NRXN1: variants seen among roughly 807,000 people sequenced by gnomAD.
The protein encoded by NRXN1 is neurexin 1.
NRXN1 carries 39 observed loss-of-function variants against 150.9 expected under a neutral mutation model. The observed-to-expected ratio is 0.26, with a 90% CI of 0.20 to 0.34. The LOEUF is 0.34. Ranked by LOEUF, NRXN1 falls within the 10% of genes least tolerant of loss-of-function variation. The probability of loss-of-function intolerance (pLI) is 1.00; values close to 1 mark genes in which losing one functional copy is unlikely to be tolerated. For missense variants in NRXN1, 1,815 were observed against 1,949.9 expected (o/e 0.93, Z 1.30); for synonymous variants, 924 against 757.0 (o/e 1.22, Z -3.62).
intron 5 of NRXN1, chr2:50,919,325 G>A (rs954838050): frequency 2.6e-5 from 4 of 151,738 alleles, no homozygotes; most frequent in African/African-American, 9.7e-5. Flanking sequence ...AAGGACTTGA[G>A]AGGAGGATGA....
At position 50,603,170 on chromosome 2, in the gene NRXN1, A is replaced by T. The variant is rs189531083; in HGVS notation, c.1320+16852T>A. On this transcript the variant is annotated intron_variant, in intron 8 of 22. Transcript: ENST00000401669. Reference sequence around the variant, plus strand: ...TTTGCTAGAATACAGAGAGGCATGGAGCAGTGGAAGCATATCCAGTATTTT... The same window carrying T: ...TTTGCTAGAATACAGAGAGGCATGGTGCAGTGGAAGCATATCCAGTATTTT... Among the ~76,000 whole-genome samples, 130 of 152,324 alleles carry T rather than the reference A, an allele frequency of 8.5e-4. 1 individual carries two copies. The highest frequency in any genetic ancestry group is 3.0e-3 in the African/African-American group (125 of 41,576).
intron 5 of NRXN1, among the ~76,000 whole-genome samples, chr2:50,712,135 T>A (rs548625416): frequency 6.6e-6 from 1 of 152,130 alleles, no homozygotes; most frequent in South Asian, 2.1e-4. Context: ...GTTAAATCAT[T>A]TAATCTTCAC....
chr2:50,075,974 A>G (rs75200228), intron 19 of NRXN1, among the ~76,000 whole-genome samples: 3,119 of 152,266 alleles, frequency 0.02, 89 homozygotes, highest in African/African-American at 0.072. Flanking sequence ...TGGTTTCTCT[A>G]ATGTTCATTT....
At chr2:50,437,504 T>C (rs1015881434) in intron 17 of NRXN1, among the ~76,000 whole-genome samples, 5 of 152,246 alleles carry the variant, frequency 3.3e-5, no homozygotes, top group Non-Finnish European at 7.3e-5. Flanking sequence ...TCTGTGAAAA[T>C]AATTTCAGTG....
chr2:50,032,189 G>T (rs1201821652), intron 21 of NRXN1, among the ~76,000 whole-genome samples: 1 of 152,026 alleles, frequency 6.6e-6, no homozygotes, highest in Non-Finnish European at 1.5e-5. Flanking sequence ...AAAGTCTGGT[G>T]ACATGTACAA....
chr2:50,903,416 T>C (rs2103981094), intron 5 of NRXN1, among the ~76,000 whole-genome samples: 1 of 152,324 alleles, frequency 6.6e-6, no homozygotes, highest in South Asian at 2.1e-4. Context: ...ACTGTTTCTA[T>C]TATGTTGATG....
chr2:50,479,344 T>G (rs1439656196), intron 15 of NRXN1, among the ~76,000 whole-genome samples: 1 of 152,106 alleles, frequency 6.6e-6, no homozygotes, highest in Admixed American at 6.5e-5. Context: ...AAAATCCTAC[T>G]CAACTTGGGG....
intron 17 of NRXN1, among the ~76,000 whole-genome samples, chr2:50,284,090 T>G (rs545356148): frequency 6.6e-6 from 1 of 152,306 alleles, no homozygotes; most frequent in Non-Finnish European, 1.5e-5. Flanking sequence ...TTCTGAGTCT[T>G]CAATGCACAT....
chr2:50,598,407 A>T (rs1328363769), intron 8 of NRXN1, among the ~76,000 whole-genome samples: 3 of 151,718 alleles, frequency 2.0e-5, no homozygotes, highest in Non-Finnish European at 4.4e-5. Flanking sequence ...AAAATTAAAA[A>T]AATAAAAAAT....
Position 50,628,371 on chromosome 2 carries a change from T to C in NRXN1, c.833-4756A>G, listed in dbSNP as rs150334760. 1.3e-3 allele frequency among the ~76,000 whole-genome samples: 190 copies of C among 151,866 alleles called. 2 individuals carry two copies. Among genetic ancestry groups the C allele is most frequent in the African/African-American group, 4.3e-3 (180 of 41,524 alleles). Reference sequence around the variant, plus strand: ...CAAATTTACATTAAAGGCAACCACATAGTTTTGGAAAAAATTCAGTCTGTG... The same window carrying C: ...CAAATTTACATTAAAGGCAACCACACAGTTTTGGAAAAAATTCAGTCTGTG... On this transcript the variant is annotated intron_variant, in intron 5 of 22. Coordinates refer to ENST00000401669, the MANE Select transcript of NRXN1 (RefSeq NM_001330078.2).
At chr2:50,913,361 T>A (rs1369448987) in intron 5 of NRXN1, among the ~76,000 whole-genome samples, 1 of 151,788 alleles carries the variant, frequency 6.6e-6, no homozygotes, top group Non-Finnish European at 1.5e-5. Context: ...TAAATTTGAT[T>A]GTTTCCTTAA....
In NRXN1 at chr2:50,780,747, ATTTG is replaced by A. The variant is rs766377581; in HGVS notation, c.832+141118_832+141121del. Among the ~76,000 whole-genome samples the A allele has an allele frequency of 5.9e-5, 9 of 152,264 alleles. No homozygotes were observed. In the East Asian group the frequency reaches 1.4e-3, roughly 23 times the overall value. On this transcript the variant is annotated intron_variant, in intron 5 of 22. Coordinates refer to ENST00000401669, the MANE Select transcript of NRXN1 (RefSeq NM_001330078.2). ...TATTAATTATGTTGAACATTTAAAAATTTGTTTATTAACCACTTTTTTATATGAT... is the reference window on the plus strand; with the variant it reads ...TATTAATTATGTTGAACATTTAAAAATTTATTAACCACTTTTTTATATGAT...
chr2:50,893,609 G>A (rs76185675), intron 5 of NRXN1, among the ~76,000 whole-genome samples: 10,652 of 152,144 alleles, frequency 0.07, 505 homozygotes, highest in Non-Finnish European at 0.1. Flanking sequence ...TTTACTATGT[G>A]ATATTTATTT....
chr2:50,122,682 A>G (rs1168401726), intron 18 of NRXN1, among the ~76,000 whole-genome samples: 3 of 152,254 alleles, frequency 2.0e-5, no homozygotes, highest in African/African-American at 7.2e-5. Context: ...CAGCTCCCAG[A>G]GGTAGCATCC....
At chr2:50,086,947 AC>A (rs936662977) in intron 19 of NRXN1, among the ~76,000 whole-genome samples, 2 of 151,972 alleles carry the variant, frequency 1.3e-5, no homozygotes, top group Non-Finnish European at 2.9e-5. Context: ...CTCACATTCT[AC>A]TTTAGTACTT....
At chr2:50,282,419 A>G (rs2071580271) in intron 17 of NRXN1, among the ~76,000 whole-genome samples, 1 of 152,208 alleles carries the variant, frequency 6.6e-6, no homozygotes, top group Non-Finnish European at 1.5e-5. Context: ...CCACTTAAAT[A>G]CAAATCTTTT....
intron 5 of NRXN1, among the ~76,000 whole-genome samples, chr2:50,853,786 G>T (rs1025478091): frequency 1.3e-5 from 2 of 151,964 alleles, no homozygotes; most frequent in African/African-American, 4.8e-5. Context: ...ACTTGTCACT[G>T]TTATTTTCTT....
chr2:50,328,377 G>GA, intron 17 of NRXN1, among the ~76,000 whole-genome samples: 1 of 152,094 alleles, frequency 6.6e-6, no homozygotes, highest in Non-Finnish European at 1.5e-5. Context: ...CAGAAGAGAT[G>GA]AATGACTTAA....
intron 21 of NRXN1, among the ~76,000 whole-genome samples, chr2:50,003,525 T>C (rs1573347586): frequency 1.3e-5 from 2 of 152,142 alleles, no homozygotes; most frequent in Non-Finnish European, 2.9e-5. Context: ...TGAAAGTTGA[T>C]AAAATCTGTT....
Sources: allele counts gnomAD v4.1 joint callset (sites outside exome capture counted in the v4.1 genomes callset), GRCh38; gene constraint gnomAD v4.1.1; transcripts MANE v1.5; gene names NCBI Gene and HGNC (gene_info 2026-07-23, HGNC 2026-07-21).